MAP2K4: variants seen among roughly 807,000 people sequenced by gnomAD.
MAP2K4 encodes mitogen-activated protein kinase kinase 4, also known as dual specificity mitogen-activated protein kinase kinase 4.
In MAP2K4, 4 loss-of-function variants were observed where a neutral mutation model predicts 48.5. The ratio of observed to expected loss-of-function variants is 0.08; its 90% CI spans 0.04 to 0.19. MAP2K4 has a LOEUF of 0.19. MAP2K4 is among the 10% of genes least tolerant of loss of function. The pLI is 1.00. For missense variants in MAP2K4, 258 were observed against 493.3 expected (o/e 0.52, Z 4.52); for synonymous variants, 166 against 173.1 (o/e 0.96, Z 0.32).
At position 12,081,373 on chromosome 17, in the gene MAP2K4, A is replaced by G; in HGVS notation, c.236A>G (p.His79Arg). ...QNPHIERLRT[H>R]SIESSGKLKI... ...TTTAACAGAGAGAGACTGAGAACAC[A>G]CAGCATTGAGTCATCAGGAAAACTG... The change falls in exon 3 of 11, where the codon CAC becomes CGC. Residue 79 changes from histidine (H) to arginine (R), a missense_variant. This residue lies in a region of MAP2K4 where 132 missense variants were observed against 352.8 expected (regional missense o/e 0.37). Coordinates refer to ENST00000353533, the MANE Select transcript of MAP2K4 (RefSeq NM_003010.4). This position sits in a 1 kb window ranked among gnomAD's most constrained non-coding sequence, Gnocchi z 4.2. 1 of 1,611,636 alleles carries G rather than the reference A, an allele frequency of 6.2e-7. No homozygotes were observed. Among genetic ancestry groups the G allele is most frequent in the Non-Finnish European group, 8.5e-7 (1 of 1,179,414 alleles).
rs562779265 is a variant in MAP2K4 at position 12,078,872 on chromosome 17, A to AC, written c.219-2482dup. Among the ~76,000 whole-genome samples the AC allele has an allele frequency of 2.2e-4, 33 of 152,262 alleles. No individual in the cohort carries two copies. In the South Asian group the frequency reaches 6.6e-3, roughly 31 times the overall value. ...GTCCTGTGGAAGCCATTGTGGTTGT[A>AC]CCTACTGTTAAAGCAATTGCTGTGA... is the stretch of plus-strand genomic sequence containing the variant. On this transcript the variant is annotated intron_variant, in intron 2 of 10. Coordinates refer to ENST00000353533, the MANE Select transcript of MAP2K4 (RefSeq NM_003010.4).
chr17:12,060,974 T>C (rs1039120172), intron 2 of MAP2K4, among the ~76,000 whole-genome samples: 3 of 152,084 alleles, frequency 2.0e-5, no homozygotes, highest in African/African-American at 7.2e-5. Context: ...AAGTCCTTAT[T>C]CTCCCTTCCT....
chr17:12,024,064 C>G (rs544981080), intron 1 of MAP2K4, among the ~76,000 whole-genome samples: 2 of 152,290 alleles, frequency 1.3e-5, no homozygotes, highest in Middle Eastern at 6.8e-3. Flanking sequence ...TCCCACTGTT[C>G]TCTCTAACCT....
intron 9 of MAP2K4, among the ~76,000 whole-genome samples, chr17:12,129,883 A>G (rs769325262): frequency 1.3e-5 from 2 of 152,230 alleles, no homozygotes; most frequent in Non-Finnish European, 2.9e-5. Context: ...GTGTATATGT[A>G]GCACCTAAGA....
intron 9 of MAP2K4, among the ~76,000 whole-genome samples, chr17:12,131,846 T>A (rs2151592493): frequency 6.6e-6 from 1 of 152,282 alleles, no homozygotes; most frequent in South Asian, 2.1e-4. Flanking sequence ...GACGAAGGAC[T>A]TTTACACAGA....
At chr17:12,117,458 C>T (rs1972539569) in intron 7 of MAP2K4, among the ~76,000 whole-genome samples, 1 of 151,928 alleles carries the variant, frequency 6.6e-6, no homozygotes, top group Non-Finnish European at 1.5e-5. Context: ...TATATCTTTT[C>T]CACACATGCC....
intron 1 of MAP2K4, among the ~76,000 whole-genome samples, chr17:12,032,090 A>G (rs1194666473): frequency 1.3e-5 from 2 of 152,168 alleles, no homozygotes; most frequent in Non-Finnish European, 2.9e-5. Context: ...TACATCTGAC[A>G]GAGCTAAGTT....
intron 1 of MAP2K4, among the ~76,000 whole-genome samples, chr17:12,022,850 A>C (rs1438513718): frequency 6.6e-6 from 1 of 152,228 alleles, no homozygotes; most frequent in Non-Finnish European, 1.5e-5. Context: ...TGGTCAGAGA[A>C]GGCTTGTCTG....
At chr17:12,044,349 AGT>A in intron 1 of MAP2K4, among the ~76,000 whole-genome samples, 1 of 152,328 alleles carries the variant, frequency 6.6e-6, no homozygotes, top group Middle Eastern at 3.4e-3. Context: ...TAGGCTAGGA[AGT>A]TCTCTGCATC....
At chr17:12,095,351 C>G (rs1274168205) in intron 3 of MAP2K4, 1 of 539,610 alleles carries the variant, frequency 1.9e-6, no homozygotes, top group East Asian at 3.5e-5. Flanking sequence ...GTTAAATTGC[C>G]CTGTCTCCTT....
At chr17:12,039,818 C>G (rs1969719346) in intron 1 of MAP2K4, among the ~76,000 whole-genome samples, 1 of 152,144 alleles carries the variant, frequency 6.6e-6, no homozygotes, top group Non-Finnish European at 1.5e-5. Flanking sequence ...CCTCTTCTCT[C>G]TTTTCCTTAC....
chr17:12,025,834 A>T (rs142017445), intron 1 of MAP2K4, among the ~76,000 whole-genome samples: 1 of 152,360 alleles, frequency 6.6e-6, no homozygotes, highest in African/African-American at 2.4e-5. Flanking sequence ...AATGTATATG[A>T]AATGTCCTGC....
At chr17:12,071,654 C>CA (rs1267979267) in intron 2 of MAP2K4, among the ~76,000 whole-genome samples, 1 of 152,096 alleles carries the variant, frequency 6.6e-6, no homozygotes, top group Non-Finnish European at 1.5e-5. Flanking sequence ...AAACAAAAAT[C>CA]ACAGTTTTGA....
At chr17:12,141,083 G>A (rs1192003576) in intron 10 of MAP2K4, 64 bp from the exon 11 acceptor site, 6 of 966,168 alleles carry the variant, frequency 6.2e-6, no homozygotes, top group Non-Finnish European at 1.0e-5. Context: ...TATAGAAATT[G>A]GAAAATGTTC....
intron 1 of MAP2K4, among the ~76,000 whole-genome samples, chr17:12,025,633 C>T (rs1969230114): frequency 6.6e-6 from 1 of 152,100 alleles, no homozygotes; most frequent in African/African-American, 2.4e-5. Flanking sequence ...ACTTTGTGAC[C>T]AGTCGAGTCC....
chr17:12,087,254 C>T (rs1429538547), intron 3 of MAP2K4, among the ~76,000 whole-genome samples: 1 of 152,150 alleles, frequency 6.6e-6, no homozygotes, highest in African/African-American at 2.4e-5. Context: ...ATGGCTATGC[C>T]TCTGAAATTT....
rs975405184 is a variant in MAP2K4 at position 12,143,291 on chromosome 17, T to G, written c.*2031T>G. The G allele has an allele frequency of 1.5e-4, 36 of 232,848 alleles. No homozygotes were observed. The highest frequency in any genetic ancestry group is 7.7e-4 in the African/African-American group (35 of 45,310). 14.4% of individuals were successfully genotyped at this position (232,848 alleles called of 1,614,324 possible). On this transcript the variant is annotated 3_prime_UTR_variant, in exon 11 of 11. Transcript: ENST00000353533. Reference sequence around the variant, plus strand: ...AAAGCAATTCTGACTGTCCAGGAGCTAATCTGACCGTTCTATTGTGTGGAT... The same window carrying G: ...AAAGCAATTCTGACTGTCCAGGAGCGAATCTGACCGTTCTATTGTGTGGAT...
intron 1 of MAP2K4, among the ~76,000 whole-genome samples, chr17:12,053,823 T>G (rs1970210795): frequency 6.6e-6 from 1 of 152,122 alleles, no homozygotes; most frequent in Non-Finnish European, 1.5e-5. Context: ...TTTTCAGATC[T>G]CACATTTACA....
In MAP2K4 at chr17:12,142,395, A is replaced by C. The variant is rs1482172052; in HGVS notation, c.*1135A>C. On this transcript the variant is annotated 3_prime_UTR_variant, in exon 11 of 11. Transcript: ENST00000353533. ...CCTTCCCCTGTGGTCTATTGTCGCT[A>C]TGTGACTTGCGCTTAATCCAATATT... The C allele has an allele frequency of 8.6e-6, 2 of 233,068 alleles. No homozygotes were observed. Among genetic ancestry groups the C allele is most frequent in the Non-Finnish European group, 1.7e-5 (2 of 117,944 alleles). 14.4% of individuals were successfully genotyped at this position (233,068 alleles called of 1,614,324 possible). A position where few individuals can be genotyped will look rare whatever the true frequency, so the allele number is the denominator to read the frequency against.
Sources: gnomAD v4.1 joint callset for allele counts (sites outside exome capture counted in the v4.1 genomes callset) on GRCh38, gnomAD v4.1.1 for gene constraint, gnomAD v4.1.1 regional missense constraint, Gnocchi (gnomAD v3.1) non-coding constraint, MANE v1.5 for transcripts, NCBI Gene and HGNC (gene_info 2026-07-23, HGNC 2026-07-21) for gene names.